The following ZNF536 variants were observed in gnomAD, a reference collection of about 807,000 sequenced individuals.
ZNF536 encodes zinc finger protein 536.
ZNF536 carries 13 observed loss-of-function variants against 84.5 expected under a neutral mutation model. That is an observed-to-expected ratio of 0.15 (90% CI 0.10 to 0.24). ZNF536 has a LOEUF of 0.24. Among genes scored for constraint, ZNF536 ranks in the 10% least tolerant of loss-of-function variants. The pLI is 1.00. For missense variants in ZNF536, 1,536 were observed against 1,747.5 expected, an observed-to-expected ratio of 0.88 and a Z score of 2.16; for synonymous variants, 811 against 742.5, an observed-to-expected ratio of 1.09 and a Z score of -1.50.
chr19:30,673,541 C>T (rs2050641320), intron 1 of ZNF536, among the ~76,000 whole-genome samples: 6 of 152,282 alleles, frequency 3.9e-5, no homozygotes, highest in East Asian at 1.9e-4. Context: ...GCCCGCACAG[C>T]ACCATGGCCC....
intron 1 of ZNF536, among the ~76,000 whole-genome samples, chr19:30,654,285 C>A (rs1195984101): frequency 6.6e-6 from 1 of 152,106 alleles, no homozygotes; most frequent in Non-Finnish European, 1.5e-5. Context: ...TCACCCAGTT[C>A]CTAGGTGGGC....
intron 1 of ZNF536, among the ~76,000 whole-genome samples, chr19:30,266,039 T>C (rs555584526): frequency 1.3e-5 from 2 of 151,572 alleles, no homozygotes; most frequent in East Asian, 3.9e-4. Context: ...TACAGGCACA[T>C]ACCAACATGG....
intron 1 of ZNF536, among the ~76,000 whole-genome samples, chr19:30,588,265 G>A (rs1191789696): frequency 1.3e-5 from 2 of 152,216 alleles, no homozygotes; most frequent in Non-Finnish European, 2.9e-5. Context: ...GCATCACCAC[G>A]GCAGTGGCAT....
chr19:30,667,992 C>G (rs2050398998), intron 1 of ZNF536, among the ~76,000 whole-genome samples: 1 of 152,052 alleles, frequency 6.6e-6, no homozygotes, highest in African/African-American at 2.4e-5. Context: ...GATTTGAAGC[C>G]AGGTCCTCAG....
At chr19:30,615,450 C>G (rs1427947472) in intron 1 of ZNF536, among the ~76,000 whole-genome samples, 1 of 152,030 alleles carries the variant, frequency 6.6e-6, no homozygotes, top group Non-Finnish European at 1.5e-5. Context: ...TGAGTTTACC[C>G]TAGTTCAGTA....
At chr19:30,520,105 G>A (rs1448532991) in intron 2 of ZNF536, among the ~76,000 whole-genome samples, 1 of 152,200 alleles carries the variant, frequency 6.6e-6, no homozygotes, top group Non-Finnish European at 1.5e-5. Flanking sequence ...AACAGTATGT[G>A]TTGAGATTCT....
At chr19:30,460,911 G>C (rs1025668888) in intron 2 of ZNF536, among the ~76,000 whole-genome samples, 1 of 152,162 alleles carries the variant, frequency 6.6e-6, no homozygotes, top group African/African-American at 2.4e-5. Context: ...CATCTTCCTT[G>C]CACCTCCTTC....
At chr19:30,485,569 A>G (rs1287589823) in intron 2 of ZNF536, among the ~76,000 whole-genome samples, 2 of 148,008 alleles carry the variant, frequency 1.4e-5, no homozygotes, top group Non-Finnish European at 3.0e-5. Context: ...TTCTTGTTTC[A>G]TTTCCTTGAG....
chr19:30,457,183 C>G (rs1303895965), intron 2 of ZNF536, among the ~76,000 whole-genome samples: 2 of 152,208 alleles, frequency 1.3e-5, no homozygotes, highest in African/African-American at 4.8e-5. Context: ...GTGGGAGCAC[C>G]TTGGTGCCCA....
At chr19:30,671,933 A>G (rs957273399) in intron 1 of ZNF536, among the ~76,000 whole-genome samples, 4 of 152,140 alleles carry the variant, frequency 2.6e-5, no homozygotes, top group Admixed American at 6.5e-5. Flanking sequence ...GCATCAAGAC[A>G]GGCCCATCAT....
At chr19:30,277,991 C>T (rs1206771428) in intron 1 of ZNF536, among the ~76,000 whole-genome samples, 1 of 152,142 alleles carries the variant, frequency 6.6e-6, no homozygotes, top group Non-Finnish European at 1.5e-5. Flanking sequence ...CTCACACTCT[C>T]TCTGGGCCCT....
chr19:30,685,368 G>A (rs1401509905), intron 1 of ZNF536, among the ~76,000 whole-genome samples: 5 of 152,248 alleles, frequency 3.3e-5, no homozygotes, highest in South Asian at 2.1e-4. Context: ...CTCTTACAGC[G>A]GGAGTGTTTT....
chr19:30,418,961 T>C (rs1350872618), intron 1 of ZNF536, among the ~76,000 whole-genome samples: 6 of 152,222 alleles, frequency 3.9e-5, no homozygotes, highest in Non-Finnish European at 7.4e-5. Context: ...CCTTCAGAAA[T>C]AACTTTATAT....
chr19:30,414,012 G>C (rs1339962179), intron 1 of ZNF536, among the ~76,000 whole-genome samples: 1 of 142,000 alleles, frequency 7.0e-6, no homozygotes, highest in Non-Finnish European at 1.5e-5. Flanking sequence ...AGAATCACTT[G>C]AATCTGGGAG....
intron 1 of ZNF536, among the ~76,000 whole-genome samples, chr19:30,282,668 C>T (rs554146631): frequency 1.1e-4 from 17 of 152,188 alleles, no homozygotes; most frequent in African/African-American, 2.9e-4. Context: ...TTTTCAGAGC[C>T]GGCTGGGTGC....
At chr19:30,256,998 CT>C (rs2024948276) in intron 1 of ZNF536, among the ~76,000 whole-genome samples, 1 of 152,136 alleles carries the variant, frequency 6.6e-6, no homozygotes, top group African/African-American at 2.4e-5. Flanking sequence ...GAATTCAGAT[CT>C]TAAAAGACCA....
intron 1 of ZNF536, among the ~76,000 whole-genome samples, chr19:30,386,944 CA>C (rs1206135415): frequency 1.3e-5 from 2 of 152,222 alleles, no homozygotes; most frequent in Non-Finnish European, 1.5e-5. Context: ...AGGGCTTATC[CA>C]AAGTCACAGC....
At chr19:30,274,973 A>T (rs1253765343) in intron 1 of ZNF536, among the ~76,000 whole-genome samples, 1 of 152,172 alleles carries the variant, frequency 6.6e-6, no homozygotes, top group African/African-American at 2.4e-5. Context: ...AAGCCTTTAT[A>T]ATTTTCTGGA....
chr19:30,418,540 A>C (rs8103847), intron 1 of ZNF536, among the ~76,000 whole-genome samples: 60,895 of 152,084 alleles, frequency 0.4, 13,105 homozygotes, highest in East Asian at 0.7. Flanking sequence ...ATCCTTCCTC[A>C]TAAGATGTTA....
Sources: gnomAD v4.1 joint callset for allele counts (sites outside exome capture counted in the v4.1 genomes callset) on GRCh38, gnomAD v4.1.1 for gene constraint, MANE v1.5 for transcripts, NCBI Gene and HGNC (gene_info 2026-07-23, HGNC 2026-07-21) for gene names.